C1orf21: variants seen among roughly 807,000 people sequenced by gnomAD.
The protein encoded by C1orf21 is uncharacterized protein C1orf21.
Under a neutral mutation model 18.7 loss-of-function variants are expected in C1orf21, and 3 were observed. The observed-to-expected ratio is 0.16, with a 90% CI of 0.07 to 0.42. The LOEUF (loss-of-function observed/expected upper bound fraction) is 0.42. Among genes scored for constraint, C1orf21 ranks in the 10% least tolerant of loss-of-function variants. C1orf21 has a pLI of 0.99. For missense variants in C1orf21, 104 were observed against 143.6 expected, an observed-to-expected ratio of 0.72 and a Z score of 1.41; for synonymous variants, 41 against 46.4, an observed-to-expected ratio of 0.88 and a Z score of 0.47.
At chr1:184,442,487 A>G (rs1656963975) in intron 1 of C1orf21, among the ~76,000 whole-genome samples, 1 of 152,186 alleles carries the variant, frequency 6.6e-6, no homozygotes, top group African/African-American at 2.4e-5. Flanking sequence ...AATGATAGCA[A>G]ACCCCTCCCT....
chr1:184,417,633 G>A (rs888412018), intron 1 of C1orf21, among the ~76,000 whole-genome samples: 5 of 152,090 alleles, frequency 3.3e-5, no homozygotes, highest in South Asian at 2.1e-4. Context: ...AATATAGAAC[G>A]AACAAGTAAA....
chr1:184,620,652 A>G lies in C1orf21; in HGVS notation c.*1096A>G, dbSNP rs754544084. ...TACTTCCAGCACACTAGACATAGCA[A>G]AAGTGTTTGCCTACTCAAAAACATA... On this transcript the variant is annotated 3_prime_UTR_variant, in exon 6 of 6. Transcript: ENST00000235307. The G allele has an allele frequency of 2.0e-5, 3 of 152,628 alleles. No homozygotes were observed. The highest frequency in any genetic ancestry group is 2.9e-5 in the Non-Finnish European group (2 of 68,038). 9.5% of individuals were successfully genotyped at this position (152,628 alleles called of 1,614,324 possible).
intron 1 of C1orf21, among the ~76,000 whole-genome samples, chr1:184,460,611 GTCGTCGTCGTCTTCTTCTTCTTCT>G (rs1657286470): frequency 8.1e-6 from 1 of 123,104 alleles, no homozygotes; most frequent in Non-Finnish European, 1.6e-5. Flanking sequence ...TGTTAGTATT[GTCGTCGTCGTCTTCTTCTTCTTCT>G]TCTTCTTCTT....
chr1:184,565,830 A>G (rs750960865), intron 3 of C1orf21, among the ~76,000 whole-genome samples: 8 of 152,244 alleles, frequency 5.3e-5, no homozygotes, highest in Non-Finnish European at 1.2e-4. Context: ...TGTTCAATAG[A>G]TTACATGGCC....
intron 2 of C1orf21, among the ~76,000 whole-genome samples, chr1:184,486,228 C>T (rs540173223): frequency 1.3e-5 from 2 of 152,260 alleles, no homozygotes; most frequent in South Asian, 2.1e-4. Flanking sequence ...GTTCCTGGGC[C>T]ATGCTGATGC....
Position 184,518,499 on chromosome 1 carries a change from C to G in C1orf21, c.189+10817C>G, listed in dbSNP as rs183427296. Among the ~76,000 whole-genome samples, 20 of 152,252 alleles carry G rather than the reference C, an allele frequency of 1.3e-4. No homozygotes were observed. In the East Asian group the frequency reaches 3.7e-3, roughly 28 times the overall value. On this transcript the variant is annotated intron_variant, in intron 3 of 5. Coordinates refer to ENST00000235307, the MANE Select transcript of C1orf21 (RefSeq NM_030806.4). ...AAGAAAGAGTTATATCTTCATATCA[C>G]ACTTCAATCTCCTGTGAAGAAAGGA... is the stretch of plus-strand genomic sequence containing the variant.
chr1:184,400,290 G>A (rs1340703910), intron 1 of C1orf21, among the ~76,000 whole-genome samples: 2 of 152,134 alleles, frequency 1.3e-5, no homozygotes, highest in South Asian at 2.1e-4. Context: ...ACAGTTGTTA[G>A]GGGTTCTCAT....
chr1:184,531,430 A>G (rs1658461339), intron 3 of C1orf21, among the ~76,000 whole-genome samples: 1 of 152,104 alleles, frequency 6.6e-6, no homozygotes, highest in Non-Finnish European at 1.5e-5. Context: ...TACTATATGC[A>G]GTGATGATCT....
intron 1 of C1orf21, among the ~76,000 whole-genome samples, chr1:184,476,310 T>C (rs1476641611): frequency 6.6e-6 from 1 of 152,128 alleles, no homozygotes; most frequent in Non-Finnish European, 1.5e-5. Context: ...CTGATGAAGA[T>C]TCAAAGAGGC....
chr1:184,581,278 T>C (rs2101994799), intron 3 of C1orf21, among the ~76,000 whole-genome samples: 1 of 152,126 alleles, frequency 6.6e-6, no homozygotes, highest in Admixed American at 6.5e-5. Flanking sequence ...AATACAAAAA[T>C]TAGCCAGGCA....
At chr1:184,511,782 A>T (rs1255822397) in intron 3 of C1orf21, among the ~76,000 whole-genome samples, 1 of 151,590 alleles carries the variant, frequency 6.6e-6, no homozygotes, top group East Asian at 1.9e-4. Context: ...GGGAAAACAA[A>T]CCCGTTCTTG....
chr1:184,482,488 C>G (rs1657672882), intron 2 of C1orf21, among the ~76,000 whole-genome samples: 1 of 152,168 alleles, frequency 6.6e-6, no homozygotes, highest in South Asian at 2.1e-4. Context: ...TCTTTGGAGA[C>G]CAACGCCCAT....
chr1:184,416,144 T>C (rs1656447757), intron 1 of C1orf21, among the ~76,000 whole-genome samples: 1 of 152,212 alleles, frequency 6.6e-6, no homozygotes, highest in African/African-American at 2.4e-5. Context: ...CCTGGCAAAC[T>C]GAATATCTCT....
chr1:184,504,542 G>T (rs1658024775), intron 2 of C1orf21, among the ~76,000 whole-genome samples: 1 of 152,240 alleles, frequency 6.6e-6, no homozygotes, highest in Non-Finnish European at 1.5e-5. Flanking sequence ...GAGGTAGGAC[G>T]TTCCTGATGG....
intron 1 of C1orf21, among the ~76,000 whole-genome samples, chr1:184,421,689 A>G (rs1475725459): frequency 6.6e-6 from 1 of 151,842 alleles, no homozygotes; most frequent in African/African-American, 2.4e-5. Flanking sequence ...AACTACTCAG[A>G]TGGAGTTACA....
At chr1:184,401,296 C>T (rs1158938933) in intron 1 of C1orf21, among the ~76,000 whole-genome samples, 1 of 152,164 alleles carries the variant, frequency 6.6e-6, no homozygotes, top group African/African-American at 2.4e-5. Flanking sequence ...TCTCGGCTCA[C>T]TGCAACCTCC....
At chr1:184,450,181 G>C (rs1212166845) in intron 1 of C1orf21, among the ~76,000 whole-genome samples, 1 of 152,106 alleles carries the variant, frequency 6.6e-6, no homozygotes, top group African/African-American at 2.4e-5. Flanking sequence ...TGAAGGGCTT[G>C]TTACTCAAGC....
chr1:184,609,684 CTTCCACAAAAAAA>C (rs1659699118), intron 5 of C1orf21, among the ~76,000 whole-genome samples: 1 of 152,094 alleles, frequency 6.6e-6, no homozygotes, highest in Non-Finnish European at 1.5e-5. Context: ...GCATGGAAAT[CTTCCACAAAAAAA>C]TTCCACAAAA....
Position 184,601,676 on chromosome 1 carries a change from G to T in C1orf21, c.327+3215G>T, listed in dbSNP as rs189206133. Among the ~76,000 whole-genome samples the T allele has an allele frequency of 1.9e-3, 296 of 152,296 alleles. 5 individuals carry two copies. Among genetic ancestry groups the T allele is most frequent in the Admixed American group, 0.016 (240 of 15,300 alleles). ...CCAGCACTTTGGGAGGCCAAGGTGG[G>T]CGGATCATGAGGTCAGGAGTTCAAG... On this transcript the variant is annotated intron_variant, in intron 5 of 5. Coordinates refer to ENST00000235307, the MANE Select transcript of C1orf21 (RefSeq NM_030806.4).
Sources: gnomAD v4.1 joint callset for allele counts (sites outside exome capture counted in the v4.1 genomes callset) on GRCh38, gnomAD v4.1.1 for gene constraint, MANE v1.5 for transcripts, NCBI Gene and HGNC (gene_info 2026-07-23, HGNC 2026-07-21) for gene names.